Variants in SLC39A13 observed in about 807,000 individuals in gnomAD.
The protein encoded by SLC39A13 is zinc transporter ZIP13.
In SLC39A13, 18 loss-of-function variants were observed where a neutral mutation model predicts 38.7. The ratio of observed to expected loss-of-function variants is 0.47; its 90% CI spans 0.32 to 0.69. The LOEUF is 0.69. Ranked by LOEUF, SLC39A13 falls within the 30% of genes least tolerant of loss-of-function variation. The probability of loss-of-function intolerance (pLI) is 0.03; values close to 1 mark genes in which losing one functional copy is unlikely to be tolerated. For missense variants in SLC39A13, 395 were observed against 490.7 expected, an observed-to-expected ratio of 0.80 and a Z score of 1.84; for synonymous variants, 212 against 219.1, an observed-to-expected ratio of 0.97 and a Z score of 0.29.
intron 9 of SLC39A13, 42 bp from the exon 10 acceptor site, chr11:47,415,246 C>T: frequency 5.0e-6 from 8 of 1,613,620 alleles, no homozygotes; most frequent in Non-Finnish European, 6.8e-6. Context: ...CTGCCTGCTC[C>T]CCCTGCCCAT....
In SLC39A13 at chr11:47,415,364, C is replaced by G; in HGVS notation, c.*1C>G. ...GCTGTTCTCGCTCTTCGTGGATTAA[C>G]TTTCCCTGATGCCGACGCCCCTGCC... On this transcript the variant is annotated 3_prime_UTR_variant, in exon 10 of 10. Coordinates refer to ENST00000362021, the MANE Select transcript of SLC39A13 (RefSeq NM_001128225.3). The G allele has an allele frequency of 6.2e-7, 1 of 1,614,068 alleles. No individual in the cohort carries two copies. Among genetic ancestry groups the G allele is most frequent in the Non-Finnish European group, 8.5e-7 (1 of 1,180,014 alleles).
At position 47,415,161 on chromosome 11, in the gene SLC39A13, T is replaced by G. The variant is rs779924106; in HGVS notation, c.1040+2T>G. 6.2e-7 allele frequency: 1 copy of G among 1,611,642 alleles called. No individual in the cohort carries two copies. The highest frequency in any genetic ancestry group is 8.5e-7 in the Non-Finnish European group (1 of 1,178,892). Reference sequence around the variant, plus strand: ...CCTCTTGGAAGAAGAGGACCCGTGGTGAGTGACCTGTTGGAGGAAGAGGAC... The same window carrying G: ...CCTCTTGGAAGAAGAGGACCCGTGGGGAGTGACCTGTTGGAGGAAGAGGAC... On this transcript the variant is annotated splice_donor_variant, in intron 9 of 9. Coordinates refer to ENST00000362021, the MANE Select transcript of SLC39A13 (RefSeq NM_001128225.3). LOFTEE classifies it high-confidence loss of function.
At chr11:47,412,123 G>A (rs1425726065) in intron 3 of SLC39A13, 84 bp downstream of exon 3, 1 of 1,453,248 alleles carries the variant, frequency 6.9e-7, no homozygotes, top group African/African-American at 1.4e-5. Context: ...AGGATGACCA[G>A]GAGAGGGATT....
chr11:47,414,934 G>A (rs778865440), intron 8 of SLC39A13, 25 bp downstream of exon 8: 1 of 1,604,644 alleles, frequency 6.2e-7, no homozygotes, highest in South Asian at 1.1e-5. Context: ...GGTGGTTGTG[G>A]CGGGTGGCAT....
At chr11:47,412,889 G>A (rs1425098195) in intron 4 of SLC39A13, among the ~76,000 whole-genome samples, 3 of 151,044 alleles carry the variant, frequency 2.0e-5, no homozygotes, top group Non-Finnish European at 4.4e-5. Flanking sequence ...AGCCTCCCGA[G>A]TAGCTGGGAC....
intron 7 of SLC39A13, 146 bp downstream of exon 7, chr11:47,414,621 C>A (rs2096016538): frequency 1.3e-6 from 2 of 1,501,224 alleles, no homozygotes; most frequent in Admixed American, 3.4e-5. Flanking sequence ...GCTCCTCACC[C>A]CAGCAGCCTG....
Position 47,414,305 on chromosome 11 carries a change from G to A in SLC39A13, c.736-120G>A. ...TTTAGTCACTGCTGTATTTCCAGTGGCCAACACAGTGCCCACCCAGAGCCA... is the reference window on the plus strand; with the variant it reads ...TTTAGTCACTGCTGTATTTCCAGTGACCAACACAGTGCCCACCCAGAGCCA... On this transcript the variant is annotated intron_variant, in intron 6 of 9. Transcript: ENST00000362021. The A allele has an allele frequency of 6.1e-6, 7 of 1,141,230 alleles. No individual in the cohort carries two copies. In the South Asian group the frequency reaches 6.6e-5, roughly 11 times the overall value. 70.7% of individuals were successfully genotyped at this position (1,141,230 alleles called of 1,614,324 possible).
In SLC39A13 at chr11:47,415,156, C is replaced by G; in HGVS notation, c.1037C>G (p.Pro346Arg). 6.2e-7 allele frequency: 1 copy of G among 1,611,536 alleles called. No homozygotes were observed. The highest frequency in any genetic ancestry group is 1.1e-5 in the South Asian group (1 of 90,734). ...VLPDLLEEED[P>R]WRSLQQLLLL... is the part of the protein sequence containing the mutation. Reference sequence around the variant, plus strand: ...CCTGACCTCTTGGAAGAAGAGGACCCGTGGTGAGTGACCTGTTGGAGGAAG... The same window carrying G: ...CCTGACCTCTTGGAAGAAGAGGACCGGTGGTGAGTGACCTGTTGGAGGAAG... The change falls in exon 9 of 10, where the codon CCG becomes CGG. Residue 346 changes from proline (P) to arginine (R), a missense_variant. Pro to Arg is a moderately radical substitution (Grantham distance 103, BLOSUM62 -2). Coordinates refer to ENST00000362021, the MANE Select transcript of SLC39A13 (RefSeq NM_001128225.3).
intron 2 of SLC39A13, among the ~76,000 whole-genome samples, chr11:47,411,205 C>T (rs979870878): frequency 2.0e-5 from 3 of 152,210 alleles, no homozygotes; most frequent in African/African-American, 7.2e-5. Flanking sequence ...CGACTTCCAA[C>T]CCTGGATGCT....
In SLC39A13 at chr11:47,413,933, G is replaced by T. The variant is rs774740011; in HGVS notation, c.735+247G>T. On this transcript the variant is annotated intron_variant, in intron 6 of 9. Coordinates refer to ENST00000362021, the MANE Select transcript of SLC39A13 (RefSeq NM_001128225.3). ...AAGCTGCTAGGCGTGGCCCCTGCCT[G>T]CTCCTAGATGCTTCTTCCTCTACCT... 2.7e-5 allele frequency: 19 copies of T among 703,898 alleles called. No homozygotes were observed. The South Asian group carries it at 2.8e-4, about 10-fold the overall frequency. 43.6% of individuals were successfully genotyped at this position (703,898 alleles called of 1,614,324 possible).
intron 4 of SLC39A13, 72 bp downstream of exon 4, chr11:47,412,539 A>G: frequency 3.1e-6 from 5 of 1,608,538 alleles, no homozygotes; most frequent in Non-Finnish European, 3.4e-6. Flanking sequence ...CTGGAGGCCC[A>G]GGGTCTGAGT....
intron 1 of SLC39A13, chr11:47,409,665 T>TA (rs2095987179): frequency 4.7e-6 from 1 of 214,002 alleles, no homozygotes. Context: ...TTTCCCCACG[T>TA]ATGTCTCTCT....
Position 47,412,069 on chromosome 11 carries a change from C to G in SLC39A13, c.415+30C>G, listed in dbSNP as rs758838230. The G allele has an allele frequency of 3.2e-6, 5 of 1,586,474 alleles. No homozygotes were observed. The African/African-American group carries it at 6.7e-5, about 21-fold the overall frequency. ...GTGAGGCCACACGCCAGGGGCAAGACAGTGCCAGGAGTGGGGGCCTGGTGC... is the reference window on the plus strand; with the variant it reads ...GTGAGGCCACACGCCAGGGGCAAGAGAGTGCCAGGAGTGGGGGCCTGGTGC... On this transcript the variant is annotated intron_variant, in intron 3 of 9. Coordinates refer to ENST00000362021, the MANE Select transcript of SLC39A13 (RefSeq NM_001128225.3).
At position 47,410,320 on chromosome 11, in the gene SLC39A13, C is replaced by T. The variant is rs2095991872; in HGVS notation, c.226C>T (p.Leu76Phe). The T allele has an allele frequency of 1.2e-6, 2 of 1,614,136 alleles. No individual in the cohort carries two copies. The highest frequency in any genetic ancestry group is 2.2e-5 in the East Asian group (1 of 44,864). The stretch of plus-strand genomic sequence containing the variant: ...CTGGATCTGCTCCCTCCTGGGTTCC[C>T]TCATGGTGGGGCTCAGTGGGGTCTT... ...DTWICSLLGS[L>F]MVGLSGVFPL... The change falls in exon 2 of 10, where the codon CTC (leucine) becomes TTC (phenylalanine). Residue 76 changes from leucine to phenylalanine, a missense_variant. Transcript: ENST00000362021.
rs2096024118 is a variant in SLC39A13, at chr11:47,415,655, G to C, written c.*292G>C. On this transcript the variant is annotated 3_prime_UTR_variant, in exon 10 of 10. Transcript: ENST00000362021. ...CGCCCTGTCACCTTCACCTCCCGGA[G>C]TAAGCAGCGAGGAAGAGCAGCACTG... 1.9e-6 allele frequency: 1 copy of C among 517,550 alleles called. No individual in the cohort carries two copies. The highest frequency in any genetic ancestry group is 1.9e-5 in the African/African-American group (1 of 52,266). The allele number at this position is 517,550 out of a possible 1,614,324, so 32.1% of individuals were successfully genotyped here.
chr11:47,415,293 C>G lies in SLC39A13; in HGVS notation c.1046C>G (p.Ser349Cys). 6.2e-7 allele frequency: 1 copy of G among 1,614,044 alleles called. No homozygotes were observed. Among genetic ancestry groups the G allele is most frequent in the African/African-American group, 1.3e-5 (1 of 75,044 alleles). ...GAGCCGTTCCCTCCCCACAGGCGCT[C>G]CCTGCAGCAGCTGCTTCTGCTCTGT... ...DLLEEEDPWR[S>C]LQQLLLLCAG... The change falls in exon 10 of 10, where the codon TCC becomes TGC. Residue 349 changes from serine to cysteine, a missense_variant. By Grantham distance (112) the Ser-to-Cys change is moderately radical. Transcript: ENST00000362021.
chr11:47,409,782 C>T (rs1321581823), intron 1 of SLC39A13: 3 of 353,938 alleles, frequency 8.5e-6, no homozygotes, highest in Non-Finnish European at 1.6e-5. Flanking sequence ...GGCCGTGCCG[C>T]CGGTGGCTGA....
chr11:47,410,531 GT>G, intron 2 of SLC39A13, 136 bp downstream of exon 2: 1 of 1,230,136 alleles, frequency 8.1e-7, no homozygotes, highest in Non-Finnish European at 1.2e-6. Context: ...CCTTGGTCCT[GT>G]AGGAGCTATC....
chr11:47,409,596 C>T (rs2095986684), intron 1 of SLC39A13: 2 of 177,828 alleles, frequency 1.1e-5, no homozygotes, highest in Admixed American at 1.1e-4. Context: ...GCCCTGGGGA[C>T]ATTGGTCTCA....
Sources: allele counts gnomAD v4.1 joint callset (sites outside exome capture counted in the v4.1 genomes callset), GRCh38; gene constraint gnomAD v4.1.1; transcripts MANE v1.5; gene names NCBI Gene and HGNC (gene_info 2026-07-23, HGNC 2026-07-21).